PRKCI: variants seen among roughly 807,000 people sequenced by gnomAD.
The protein encoded by PRKCI is protein kinase C iota.
Under a neutral mutation model 84.0 loss-of-function variants are expected in PRKCI, and 43 were observed. The ratio of observed to expected loss-of-function variants is 0.51; its 90% CI spans 0.40 to 0.66. PRKCI has a LOEUF of 0.66. Among genes scored for constraint, PRKCI ranks in the 30% least tolerant of loss-of-function variants. The probability of loss-of-function intolerance (pLI) is 0.00; values close to 1 mark genes in which losing one functional copy is unlikely to be tolerated. For missense variants in PRKCI, 459 were observed against 745.6 expected, an observed-to-expected ratio of 0.62 and a Z score of 4.48; for synonymous variants, 216 against 234.4, an observed-to-expected ratio of 0.92 and a Z score of 0.72.
At chr3:170,285,497 A>G (rs1373376343) in intron 12 of PRKCI, among the ~76,000 whole-genome samples, 3 of 152,224 alleles carry the variant, frequency 2.0e-5, no homozygotes, top group Non-Finnish European at 4.4e-5. Context: ...TTATCCTCAC[A>G]TAGCAATACA....
intron 16 of PRKCI, among the ~76,000 whole-genome samples, chr3:170,298,269 T>C (rs1734734700): frequency 6.6e-6 from 1 of 152,166 alleles, no homozygotes; most frequent in African/African-American, 2.4e-5. Flanking sequence ...AGAAACAGTC[T>C]CAGTCCGTTG....
At chr3:170,281,080 A>G (rs1734231384) in intron 9 of PRKCI, 86 bp from the exon 10 acceptor site, 2 of 1,080,128 alleles carry the variant, frequency 1.9e-6, no homozygotes, top group Non-Finnish European at 2.8e-6. Flanking sequence ...TAACCATTGC[A>G]TTTGTGACCA....
In PRKCI at chr3:170,281,977, T is replaced by C; in HGVS notation, c.1067+9T>C. 1 of 1,610,086 alleles carries C rather than the reference T, an allele frequency of 6.2e-7. No homozygotes were observed. The highest frequency in any genetic ancestry group is 8.5e-7 in the Non-Finnish European group (1 of 1,178,234). ...CCTGAAGAACATGCCAGGTGAGTTTTTGTTTACTGTTTGTGTTGTTTTCTT... is the reference window on the plus strand; with the variant it reads ...CCTGAAGAACATGCCAGGTGAGTTTCTGTTTACTGTTTGTGTTGTTTTCTT... On this transcript the variant is annotated intron_variant, in intron 11 of 17. Transcript: ENST00000295797.
intron 8 of PRKCI, among the ~76,000 whole-genome samples, chr3:170,277,247 TAAAAAAAGAAA>T (rs1734138165): frequency 6.8e-6 from 1 of 147,530 alleles, no homozygotes; most frequent in Admixed American, 6.8e-5. Context: ...AGACACTGTT[TAAAAAAAGAAA>T]AAAAAAAGGG....
chr3:170,248,566 G>A (rs776293078), intron 2 of PRKCI, among the ~76,000 whole-genome samples: 7 of 151,890 alleles, frequency 4.6e-5, no homozygotes, highest in Non-Finnish European at 1.0e-4. Flanking sequence ...TTTGCTTCAC[G>A]CTTATGCATT....
intron 14 of PRKCI, among the ~76,000 whole-genome samples, chr3:170,294,229 A>G (rs1734640563): frequency 6.6e-6 from 1 of 152,170 alleles, no homozygotes; most frequent in Non-Finnish European, 1.5e-5. Flanking sequence ...TGAGTGATCA[A>G]AAGATGGGGA....
intron 1 of PRKCI, among the ~76,000 whole-genome samples, chr3:170,226,046 G>A (rs1332297996): frequency 6.6e-6 from 1 of 151,908 alleles, no homozygotes; most frequent in Non-Finnish European, 1.5e-5. Context: ...CCGAGTAGGT[G>A]GGACTACAGG....
At chr3:170,268,127 C>T in intron 5 of PRKCI, 127 bp downstream of exon 5, 4 of 701,472 alleles carry the variant, frequency 5.7e-6, no homozygotes, top group South Asian at 2.3e-5. Context: ...CATGACCTTA[C>T]ATTTCCAGTT....
At chr3:170,252,781 G>C (rs560860196) in intron 2 of PRKCI, among the ~76,000 whole-genome samples, 1 of 151,820 alleles carries the variant, frequency 6.6e-6, no homozygotes, top group African/African-American at 2.4e-5. Context: ...TTGTAGAGAT[G>C]GAGGTCTCAC....
intron 3 of PRKCI, 110 bp from the exon 4 acceptor site, chr3:170,263,269 A>ATCAAGTT: frequency 6.3e-6 from 5 of 787,984 alleles, no homozygotes; most frequent in Non-Finnish European, 1.1e-5. Context: ...AAGTGAAGAG[A>ATCAAGTT]GGGTCAGGTT....
At chr3:170,255,168 C>T (rs1413683786) in intron 2 of PRKCI, among the ~76,000 whole-genome samples, 1 of 148,446 alleles carries the variant, frequency 6.7e-6, no homozygotes, top group Non-Finnish European at 1.5e-5. Flanking sequence ...TCAAGTGGTT[C>T]TCCTGCCTCA....
At chr3:170,229,505 G>A (rs3794323) in intron 1 of PRKCI, among the ~76,000 whole-genome samples, 2,975 of 152,214 alleles carry the variant, frequency 0.02, 52 homozygotes, top group East Asian at 0.1. Flanking sequence ...TTGTAGGGAC[G>A]GGGCTGGTCT....
At position 170,235,319 on chromosome 3, in the gene PRKCI, A is replaced by G. The variant is rs772402293; in HGVS notation, c.191A>G (p.Gln64Arg). 1 of 1,614,126 alleles carries G rather than the reference A, an allele frequency of 6.2e-7. No individual in the cohort carries two copies. Among genetic ancestry groups the G allele is most frequent in the Non-Finnish European group, 8.5e-7 (1 of 1,180,002 alleles). ...GACATGTGTTCTTTTGACAACGAAC[A>G]GCTCTTCACCATGAAATGGATAGAT... ...VRDMCSFDNE[Q>R]LFTMKWIDEE... The change falls in exon 2 of 18, where the codon CAG (glutamine) becomes CGG (arginine). Residue 64 changes from glutamine to arginine, a missense_variant. By Grantham distance (43) the Gln-to-Arg change is conservative. Transcript: ENST00000295797.
intron 8 of PRKCI, among the ~76,000 whole-genome samples, chr3:170,276,178 G>A (rs1160391754): frequency 6.6e-6 from 1 of 151,944 alleles, no homozygotes; most frequent in Non-Finnish European, 1.5e-5. Context: ...GCCTCAAGCA[G>A]TTCTCCCAAA....
chr3:170,232,507 A>G (rs1732826833), intron 1 of PRKCI, among the ~76,000 whole-genome samples: 2 of 152,024 alleles, frequency 1.3e-5, no homozygotes, highest in South Asian at 4.1e-4. Context: ...TCAGAGGCAG[A>G]TATGATTATC....
rs569129627 is a variant in PRKCI, at chr3:170,249,798, G to GA, written c.224-10156dup. Among the ~76,000 whole-genome samples, 846 of 84,804 alleles carry GA rather than the reference G, an allele frequency of 1.0e-2. 6 individuals carry two copies. The highest frequency in any genetic ancestry group is 0.04 in the Middle Eastern group (5 of 124). 55.6% of individuals were successfully genotyped at this position (84,804 alleles called of 152,430 possible). On this transcript the variant is annotated intron_variant, in intron 2 of 17. Transcript: ENST00000295797. ...GACAACAGAGTGAGACTCTGTCTCAGAAAAAAAAAAAAAAATGATACCAAC... is the reference window on the plus strand; with the variant it reads ...GACAACAGAGTGAGACTCTGTCTCAGAAAAAAAAAAAAAAAATGATACCAAC...
At chr3:170,256,369 G>A (rs887277452) in intron 2 of PRKCI, among the ~76,000 whole-genome samples, 7 of 152,102 alleles carry the variant, frequency 4.6e-5, no homozygotes, top group African/African-American at 1.7e-4. Context: ...CTCTAGTCAG[G>A]CTTTGGATTT....
chr3:170,292,050 A>G (rs1411030954), intron 13 of PRKCI, 109 bp downstream of exon 13: 3 of 792,226 alleles, frequency 3.8e-6, no homozygotes, highest in East Asian at 2.7e-5. Flanking sequence ...TCTTATTAAT[A>G]TAAGGATTCT....
At chr3:170,292,320 A>G (rs956398308) in intron 13 of PRKCI, among the ~76,000 whole-genome samples, 1 of 152,224 alleles carries the variant, frequency 6.6e-6, no homozygotes, top group East Asian at 1.9e-4. Context: ...CCTAAGGTCA[A>G]GGATTCAGAA....
Sources: gnomAD v4.1 joint callset for allele counts (sites outside exome capture counted in the v4.1 genomes callset) on GRCh38, gnomAD v4.1.1 for gene constraint, MANE v1.5 for transcripts, NCBI Gene and HGNC (gene_info 2026-07-23, HGNC 2026-07-21) for gene names.